Variants in ALCAM observed in about 807,000 individuals in gnomAD.
ALCAM encodes activated leukocyte cell adhesion molecule.
ALCAM carries 30 observed loss-of-function variants against 70.9 expected under a neutral mutation model. The observed-to-expected ratio is 0.42, with a 90% CI of 0.32 to 0.57. ALCAM has a LOEUF of 0.57. ALCAM is among the 20% of genes least tolerant of loss of function. ALCAM has a pLI of 0.11. For synonymous variants in ALCAM, 249 were observed against 242.5 expected (o/e 1.03, Z -0.25); for missense variants, 591 against 695.1 (o/e 0.85, Z 1.68).
chr3:105,445,454 A>G (rs145687714), intron 1 of ALCAM, among the ~76,000 whole-genome samples: 63 of 152,288 alleles, frequency 4.1e-4, no homozygotes, highest in African/African-American at 1.4e-3. Flanking sequence ...TATCAATGAA[A>G]TTCTTCACAG....
intron 1 of ALCAM, among the ~76,000 whole-genome samples, chr3:105,446,314 AC>A (rs1390560016): frequency 9.9e-5 from 15 of 152,260 alleles, no homozygotes; most frequent in African/African-American, 3.6e-4. Flanking sequence ...TATCACAAAG[AC>A]AAAAAATAAC....
chr3:105,574,813 G>A lies in ALCAM; in HGVS notation c.*362G>A, dbSNP rs1355928578. ...TGTAAGCTTTGTTCTGGGAGTTGCT[G>A]TTAATCTGATGTATAATGTAATGTT... On this transcript the variant is annotated 3_prime_UTR_variant, in exon 16 of 16. Transcript: ENST00000306107. The A allele has an allele frequency of 5.2e-5, 8 of 152,524 alleles. No individual in the cohort carries two copies. The highest frequency in any genetic ancestry group is 1.5e-5 in the Non-Finnish European group (1 of 68,012). 9.4% of individuals were successfully genotyped at this position (152,524 alleles called of 1,614,324 possible). A position where few individuals can be genotyped will look rare whatever the true frequency, so the allele number is the denominator to read the frequency against.
chr3:105,400,279 G>T (rs550338323), intron 1 of ALCAM, among the ~76,000 whole-genome samples: 1 of 152,138 alleles, frequency 6.6e-6, no homozygotes, highest in Admixed American at 6.5e-5. Flanking sequence ...TGATAAAACA[G>T]ATACTTTACT....
chr3:105,447,130 TTTA>T (rs141257467), intron 1 of ALCAM, among the ~76,000 whole-genome samples: 2,295 of 152,228 alleles, frequency 0.015, 66 homozygotes, highest in African/African-American at 0.051. Flanking sequence ...CATAAATATA[TTTA>T]TTATTATGTG....
chr3:105,434,756 G>A (rs1937013860), intron 1 of ALCAM, among the ~76,000 whole-genome samples: 1 of 152,084 alleles, frequency 6.6e-6, no homozygotes, highest in African/African-American at 2.4e-5. Flanking sequence ...TCATGGGTAA[G>A]TTTATATTGG....
intron 5 of ALCAM, among the ~76,000 whole-genome samples, chr3:105,534,363 T>G (rs1319601218): frequency 6.6e-6 from 1 of 152,160 alleles, no homozygotes; most frequent in Non-Finnish European, 1.5e-5. Flanking sequence ...AATACATGAT[T>G]TTTTAAACAT....
intron 14 of ALCAM, among the ~76,000 whole-genome samples, chr3:105,568,884 T>G (rs745946816): frequency 1.3e-5 from 2 of 150,550 alleles, no homozygotes; most frequent in Non-Finnish European, 3.0e-5. Context: ...TGGTGTTTTG[T>G]TTTTTTTTCA....
At chr3:105,476,626 C>CA (rs200067271) in intron 1 of ALCAM, among the ~76,000 whole-genome samples, 123 of 151,096 alleles carry the variant, frequency 8.1e-4, no homozygotes, top group Non-Finnish European at 8.4e-4. Flanking sequence ...AAACAAACAA[C>CA]AAAAAAAAAT....
chr3:105,447,438 C>T (rs1937325803), intron 1 of ALCAM, among the ~76,000 whole-genome samples: 1 of 152,162 alleles, frequency 6.6e-6, no homozygotes, highest in Admixed American at 6.6e-5. Flanking sequence ...GTGGTTCTCA[C>T]CTGTAATCTC....
chr3:105,536,849 CTG>C (rs1939982468), intron 6 of ALCAM, among the ~76,000 whole-genome samples: 1 of 152,118 alleles, frequency 6.6e-6, no homozygotes, highest in Admixed American at 6.6e-5. Flanking sequence ...GGTTCTCAAA[CTG>C]TAGTGTAAAT....
chr3:105,559,161 T>C (rs9873424), intron 14 of ALCAM, among the ~76,000 whole-genome samples: 12,269 of 148,154 alleles, frequency 0.083, 646 homozygotes, highest in Non-Finnish European at 0.12. Flanking sequence ...AATTGTAAAA[T>C]AAATGTATAT....
In ALCAM at chr3:105,402,528, G is replaced by A. The variant is rs537290286; in HGVS notation, c.73+35047G>A. Among the ~76,000 whole-genome samples, 148 of 152,276 alleles carry A rather than the reference G, an allele frequency of 9.7e-4. No individual in the cohort carries two copies. The Middle Eastern group carries it at 0.01, about 10-fold the overall frequency. On this transcript the variant is annotated intron_variant, in intron 1 of 15. Coordinates refer to ENST00000306107, the MANE Select transcript of ALCAM (RefSeq NM_001627.4). ...TCACCTGCTGCATAGAAATAGACTCGGTGCTGTTGGTGGGGCATGGTGGGA... is the reference window on the plus strand; with the variant it reads ...TCACCTGCTGCATAGAAATAGACTCAGTGCTGTTGGTGGGGCATGGTGGGA...
intron 14 of ALCAM, among the ~76,000 whole-genome samples, chr3:105,564,798 C>T (rs1455859486): frequency 6.6e-6 from 1 of 152,174 alleles, no homozygotes; most frequent in Non-Finnish European, 1.5e-5. Context: ...GTAATCCCAC[C>T]ACTTCGGGAG....
intron 1 of ALCAM, among the ~76,000 whole-genome samples, chr3:105,427,558 C>A (rs1936821198): frequency 1.3e-5 from 2 of 151,878 alleles, no homozygotes; most frequent in African/African-American, 4.8e-5. Context: ...TAGTCTCTTT[C>A]AGTATCCACT....
intron 1 of ALCAM, among the ~76,000 whole-genome samples, chr3:105,478,952 A>G (rs1217624254): frequency 5.9e-5 from 9 of 152,090 alleles, no homozygotes; most frequent in Admixed American, 5.9e-4. Context: ...AGTGCCACTT[A>G]TCACCCTCCT....
chr3:105,543,789 A>G (rs1940178602), intron 8 of ALCAM, among the ~76,000 whole-genome samples: 1 of 151,702 alleles, frequency 6.6e-6, no homozygotes, highest in Non-Finnish European at 1.5e-5. Context: ...ACTCATCCAG[A>G]ATAAAATTTT....
intron 1 of ALCAM, among the ~76,000 whole-genome samples, chr3:105,477,858 A>G (rs1329754851): frequency 6.7e-6 from 1 of 150,208 alleles, no homozygotes; most frequent in East Asian, 2.0e-4. Flanking sequence ...ATTAAGTTCA[A>G]ATATACAGTA....
rs111808430 is a variant in ALCAM, at chr3:105,572,792, G to A, written c.*25+828G>A. On this transcript the variant is annotated intron_variant, in intron 15 of 15. Transcript: ENST00000306107. ...CTTTCGTGACTCAGAAAGTGTTTTCGGAAGAATGGAAACTTACCAGTTTCC... is the reference window on the plus strand; with the variant it reads ...CTTTCGTGACTCAGAAAGTGTTTTCAGAAGAATGGAAACTTACCAGTTTCC... Among the ~76,000 whole-genome samples the A allele has an allele frequency of 2.4e-3, 365 of 152,168 alleles. 6 individuals are homozygous for A. Among genetic ancestry groups the A allele is most frequent in the Middle Eastern group, 0.024 (7 of 294 alleles).
intron 1 of ALCAM, among the ~76,000 whole-genome samples, chr3:105,384,728 A>G (rs1007963611): frequency 6.6e-6 from 1 of 151,604 alleles, no homozygotes; most frequent in Admixed American, 6.6e-5. Context: ...GTACTTTACG[A>G]AAGAATGGCT....
Sources: gnomAD v4.1 joint callset for allele counts (sites outside exome capture counted in the v4.1 genomes callset) on GRCh38, gnomAD v4.1.1 for gene constraint, MANE v1.5 for transcripts, NCBI Gene and HGNC (gene_info 2026-07-23, HGNC 2026-07-21) for gene names.